SEC23B: variants seen among roughly 807,000 people sequenced by gnomAD.
SEC23B encodes the protein protein transport protein Sec23B.
A neutral mutation model predicts 104.3 loss-of-function variants in SEC23B; 77 were observed. The ratio of observed to expected loss-of-function variants is 0.74; its 90% CI spans 0.61 to 0.89. SEC23B has a LOEUF of 0.89. Among genes scored for constraint, SEC23B ranks in the 40% least tolerant of loss-of-function variants. The pLI, the probability that SEC23B is intolerant of heterozygous loss-of-function variation, is 0.00. For missense variants in SEC23B, 885 were observed against 949.4 expected (o/e 0.93, Z 0.89); for synonymous variants, 338 against 332.5 (o/e 1.02, Z -0.18).
intron 9 of SEC23B, among the ~76,000 whole-genome samples, chr20:18,530,478 G>T (rs182383399): frequency 6.6e-6 from 1 of 152,156 alleles, no homozygotes; most frequent in African/African-American, 2.4e-5. Context: ...CAAGTGATCC[G>T]CCCTCCTTGG....
At chr20:18,547,080 G>T (rs2060339661) in intron 15 of SEC23B, among the ~76,000 whole-genome samples, 1 of 152,006 alleles carries the variant, frequency 6.6e-6, no homozygotes, top group Non-Finnish European at 1.5e-5. Flanking sequence ...AGGACTTGAT[G>T]AAGACTCTAA....
chr20:18,552,912 G>A (rs1048105875), intron 17 of SEC23B, among the ~76,000 whole-genome samples: 2 of 152,162 alleles, frequency 1.3e-5, no homozygotes, highest in Non-Finnish European at 2.9e-5. Flanking sequence ...AAGTGTATGG[G>A]AAGATGTACA....
At chr20:18,527,678 G>A (rs534653213) in intron 9 of SEC23B, 67 bp downstream of exon 9, 1 of 1,066,304 alleles carries the variant, frequency 9.4e-7, no homozygotes, top group South Asian at 1.2e-5. Flanking sequence ...ATTAGTGATG[G>A]AGCCATAGGA....
At chr20:18,556,239 C>G (rs1364087712) in intron 19 of SEC23B, among the ~76,000 whole-genome samples, 1 of 152,136 alleles carries the variant, frequency 6.6e-6, no homozygotes, top group Non-Finnish European at 1.5e-5. Flanking sequence ...AGGACTGGTA[C>G]TATCCGTGGC....
intron 4 of SEC23B, among the ~76,000 whole-genome samples, chr20:18,523,823 G>A (rs769274413): frequency 6.6e-6 from 1 of 151,700 alleles, no homozygotes; most frequent in Non-Finnish European, 1.5e-5. Flanking sequence ...TCCTGCCTCC[G>A]CCTCCTGAGT....
At chr20:18,520,808 C>T (rs562627916) in intron 4 of SEC23B, among the ~76,000 whole-genome samples, 4 of 151,862 alleles carry the variant, frequency 2.6e-5, no homozygotes, top group South Asian at 2.1e-4. Context: ...ACCCAAAGCT[C>T]GGCGTCCGTG....
At chr20:18,530,648 A>C (rs756042113) in intron 9 of SEC23B, 32 bp from the exon 10 acceptor site, 3 of 1,610,664 alleles carry the variant, frequency 1.9e-6, no homozygotes, top group Non-Finnish European at 2.5e-6. Flanking sequence ...CAATCTTCCT[A>C]ATATTCACTT....
chr20:18,534,263 A>C (rs2060209410), intron 11 of SEC23B, among the ~76,000 whole-genome samples: 2 of 152,190 alleles, frequency 1.3e-5, no homozygotes, highest in African/African-American at 4.8e-5. Flanking sequence ...CCACGATGTC[A>C]TTATCAAACT....
At chr20:18,551,543 AT>A (rs2071621067) in intron 17 of SEC23B, among the ~76,000 whole-genome samples, 1 of 151,930 alleles carries the variant, frequency 6.6e-6, no homozygotes, top group East Asian at 1.9e-4. Flanking sequence ...GCAAAACCCC[AT>A]CTCTACTAAA....
intron 13 of SEC23B, 57 bp from the exon 14 acceptor site, chr20:18,542,962 G>A: frequency 1.2e-6 from 2 of 1,607,486 alleles, no homozygotes; most frequent in Non-Finnish European, 8.5e-7. Flanking sequence ...CTGAATGGAT[G>A]TCTGGCTTTC....
intron 16 of SEC23B, among the ~76,000 whole-genome samples, chr20:18,550,119 A>T (rs542190506): frequency 8.2e-6 from 1 of 122,214 alleles, no homozygotes; most frequent in South Asian, 2.9e-4. Context: ...AATATAAATT[A>T]TATACTTATA....
intron 10 of SEC23B, 83 bp from the exon 11 acceptor site, chr20:18,532,581 C>T: frequency 1.0e-6 from 1 of 986,412 alleles, no homozygotes; most frequent in Non-Finnish European, 1.6e-6. Flanking sequence ...TATATTTTCC[C>T]TCTAAGCTTT....
chr20:18,510,944 C>T lies in SEC23B; in HGVS notation c.109C>T (p.Pro37Ser), dbSNP rs1451709270. The stretch of plus-strand genomic sequence containing the variant: ...GCTGGAGGCTACAAGAATGGTTGTA[C>T]CCCTGGCTTGTCTCCTTACTCCTTT... ...SRLEATRMVVPLACLLTPLKE... is the reference protein window; with the variant it reads ...SRLEATRMVVSLACLLTPLKE... Residue 37 changes from proline (P) to serine (S), a missense_variant, in exon 2 of 20, where the codon CCC becomes TCC. Coordinates refer to ENST00000650089, the MANE Select transcript of SEC23B (RefSeq NM_006363.6). 4 of 1,613,772 alleles carry T rather than the reference C, an allele frequency of 2.5e-6. No individual in the cohort carries two copies. Among genetic ancestry groups the T allele is most frequent in the South Asian group, 1.1e-5 (1 of 91,074 alleles).
At chr20:18,520,226 T>G (rs1444815800) in intron 4 of SEC23B, among the ~76,000 whole-genome samples, 1 of 129,496 alleles carries the variant, frequency 7.7e-6, no homozygotes, top group Non-Finnish European at 1.8e-5. Flanking sequence ...GCTTGTCCAG[T>G]TTTTGGACAA....
intron 16 of SEC23B, 119 bp downstream of exon 16, chr20:18,548,889 AT>A: frequency 1.1e-6 from 1 of 915,574 alleles, no homozygotes; most frequent in Non-Finnish European, 1.7e-6. Context: ...TTTTATAGTA[AT>A]TTAACATTAT....
At chr20:18,510,300 G>C (rs1378742272) in intron 1 of SEC23B, among the ~76,000 whole-genome samples, 1 of 152,146 alleles carries the variant, frequency 6.6e-6, no homozygotes, top group Non-Finnish European at 1.5e-5. Context: ...AGATGATCAG[G>C]TGATTGTAAA....
intron 16 of SEC23B, among the ~76,000 whole-genome samples, chr20:18,549,021 C>T (rs2060360788): frequency 6.6e-6 from 1 of 151,786 alleles, no homozygotes; most frequent in South Asian, 2.1e-4. Flanking sequence ...TTTCCTTGTG[C>T]TTGTATACTT....
In SEC23B at chr20:18,554,449, C is replaced by T. The variant is rs1410556431; in HGVS notation, c.2148+59C>T. ...TTCGTTTTATGATAGATTGTTATTG[C>T]TATACATCTAAACAGGATGGTTAAT... On this transcript the variant is annotated intron_variant, in intron 18 of 19. Transcript: ENST00000650089. 6 of 1,555,482 alleles carry T rather than the reference C, an allele frequency of 3.9e-6. No homozygotes were observed. The African/African-American group carries it at 5.4e-5, about 14-fold the overall frequency.
chr20:18,518,582 GTTTTTTTTTTTT>G (rs57231166), intron 4 of SEC23B, among the ~76,000 whole-genome samples: 15 of 92,664 alleles, frequency 1.6e-4, no homozygotes, highest in African/African-American at 5.9e-4. Flanking sequence ...CTGGAAGGAG[GTTTTTTTTTTTT>G]TTTTTTTTTT....
Sources: gnomAD v4.1 joint callset for allele counts (sites outside exome capture counted in the v4.1 genomes callset) on GRCh38, gnomAD v4.1.1 for gene constraint, MANE v1.5 for transcripts, NCBI Gene and HGNC (gene_info 2026-07-23, HGNC 2026-07-21) for gene names.